Variants in VWA8 observed in about 807,000 individuals in gnomAD.
The protein encoded by VWA8 is von Willebrand factor A domain-containing protein 8.
Under a neutral mutation model 241.5 loss-of-function variants are expected in VWA8, and 221 were observed. The ratio of observed to expected loss-of-function variants is 0.91; its 90% confidence interval spans 0.82 to 1.02. The LOEUF (loss-of-function observed/expected upper bound fraction) is 1.02. Ranked by LOEUF, VWA8 falls within the 50% of genes least tolerant of loss-of-function variation. The probability of loss-of-function intolerance (pLI) is 0.00; values close to 1 mark genes in which losing one functional copy is unlikely to be tolerated. For synonymous variants in VWA8, 852 were observed against 827.1 expected, an observed-to-expected ratio of 1.03 and a Z score of -0.52; for missense variants, 2,322 against 2,328.7, an observed-to-expected ratio of 1.00 and a Z score of 0.06.
chr13:41,603,153 C>T (rs939833320), intron 40 of VWA8, among the ~76,000 whole-genome samples: 7 of 152,096 alleles, frequency 4.6e-5, no homozygotes, highest in Non-Finnish European at 1.0e-4. Flanking sequence ...CTTTGTTTTC[C>T]ATGCATTTAA....
At chr13:41,591,810 G>T (rs1323806642) in intron 40 of VWA8, among the ~76,000 whole-genome samples, 1 of 147,616 alleles carries the variant, frequency 6.8e-6, no homozygotes, top group Non-Finnish European at 1.5e-5. Flanking sequence ...AAAAAGTCAG[G>T]AAACAACAGG....
chr13:41,806,805 G>T (rs1338492158), intron 17 of VWA8, among the ~76,000 whole-genome samples: 7 of 151,880 alleles, frequency 4.6e-5, no homozygotes, highest in Admixed American at 4.6e-4. Context: ...TTGATCCCTG[G>T]AAGGGGAGAT....
intron 17 of VWA8, among the ~76,000 whole-genome samples, chr13:41,802,359 C>T (rs1869997589): frequency 6.6e-6 from 1 of 152,234 alleles, no homozygotes; most frequent in Non-Finnish European, 1.5e-5. Flanking sequence ...TGAATTCTAA[C>T]TAGCCCCACC....
At chr13:41,671,194 C>T (rs748765756) in intron 36 of VWA8, 47 bp from the exon 37 acceptor site, 3 of 1,594,552 alleles carry the variant, frequency 1.9e-6, no homozygotes, top group Admixed American at 3.3e-5. Context: ...AAAAATAAAG[C>T]AGGAGGGATG....
intron 41 of VWA8, among the ~76,000 whole-genome samples, chr13:41,588,569 C>T (rs13378278): frequency 0.026 from 4,016 of 151,944 alleles, 107 homozygotes; most frequent in African/African-American, 0.066. Flanking sequence ...AAAAAATACA[C>T]AAATCAGCTA....
chr13:41,730,046 T>TG (rs1424477502), intron 22 of VWA8, among the ~76,000 whole-genome samples: 6 of 152,136 alleles, frequency 3.9e-5, no homozygotes, highest in African/African-American at 1.4e-4. Context: ...ATGGGAGTTA[T>TG]GAGGAGTGAG....
chr13:41,794,732 C>A (rs1394818643), intron 17 of VWA8, among the ~76,000 whole-genome samples: 1 of 152,106 alleles, frequency 6.6e-6, no homozygotes. Flanking sequence ...GGGAATGCTT[C>A]CAGATTTTGC....
rs1369311764 is a variant in VWA8, at chr13:41,891,356, C to T, written c.651+64G>A. ...GATTCCAACAGAGCCATGTCTTACA[C>T]AATAAAATGGCACTGCCCATAGCTT... On this transcript the variant is annotated intron_variant, in intron 5 of 44. Transcript: ENST00000379310. 8 of 1,588,806 alleles carry T rather than the reference C, an allele frequency of 5.0e-6. No individual in the cohort carries two copies. The Admixed American group carries it at 1.4e-4, about 27-fold the overall frequency.
rs201345402 is a variant in VWA8 at position 41,691,920 on chromosome 13, T to C, written c.3694A>G (p.Lys1232Glu). Residue 1232 changes from lysine (K) to glutamate (E), a missense_variant, in exon 31 of 45, where the codon AAA becomes GAA. Physicochemically the swap from Lys to Glu is moderately conservative, Grantham distance 56. Coordinates refer to ENST00000379310, the MANE Select transcript of VWA8 (RefSeq NM_015058.2). ...KEEAETYKMC[K>E]EFSHKNWLVF... ...AGCCAGTTTTTGTGTGAAAATTCTT[T>C]ACACATTTTATAAGTTTCCTAAAGA... is the stretch of plus-strand genomic sequence containing the variant. 101 of 1,609,748 alleles carry C rather than the reference T, an allele frequency of 6.3e-5. No homozygotes were observed. In the African/African-American group the frequency reaches 1.3e-3, roughly 20 times the overall value.
At chr13:41,868,615 TG>T in intron 9 of VWA8, 138 bp from the exon 10 acceptor site, 1 of 1,095,308 alleles carries the variant, frequency 9.1e-7, no homozygotes, top group Non-Finnish European at 1.2e-6. Context: ...CCAAGGGCGG[TG>T]GCTCAGGCCT....
intron 17 of VWA8, among the ~76,000 whole-genome samples, chr13:41,808,560 C>T (rs1388272392): frequency 6.6e-6 from 1 of 152,136 alleles, no homozygotes; most frequent in Non-Finnish European, 1.5e-5. Flanking sequence ...CCCCCATGAT[C>T]CAGTCATCTC....
intron 4 of VWA8, among the ~76,000 whole-genome samples, chr13:41,904,153 G>A (rs1249424991): frequency 6.6e-6 from 1 of 152,000 alleles, no homozygotes; most frequent in East Asian, 1.9e-4. Context: ...ACTTCAGAAA[G>A]TTTCATCTAA....
At chr13:41,783,717 C>A in intron 19 of VWA8, 78 bp downstream of exon 19, 4 of 912,128 alleles carry the variant, frequency 4.4e-6, no homozygotes, top group Admixed American at 5.3e-5. Context: ...AAAATAATTA[C>A]ATGTCAATTT....
At chr13:41,925,904 C>T in intron 2 of VWA8, 1 of 371,826 alleles carries the variant, frequency 2.7e-6, no homozygotes. Flanking sequence ...ATGCAGACAT[C>T]TCATTCAATG....
chr13:41,592,744 A>G (rs12875906), intron 40 of VWA8, among the ~76,000 whole-genome samples: 50,729 of 149,026 alleles, frequency 0.34, 9,003 homozygotes, highest in South Asian at 0.41. Context: ...AAAAAAAAAA[A>G]GATTATGTGT....
intron 19 of VWA8, among the ~76,000 whole-genome samples, chr13:41,782,297 T>C (rs1278029118): frequency 1.3e-5 from 2 of 152,232 alleles, no homozygotes; most frequent in Admixed American, 1.3e-4. Context: ...TTATATCCTG[T>C]GAAGTCTTTT....
intron 10 of VWA8, 50 bp from the exon 11 acceptor site, chr13:41,866,086 G>T (rs765491694): frequency 1.9e-6 from 3 of 1,595,682 alleles, no homozygotes; most frequent in Middle Eastern, 1.7e-4. Context: ...GGTGGCTCAC[G>T]CCTATAATCC....
chr13:41,775,866 C>A (rs1398682109), intron 20 of VWA8, among the ~76,000 whole-genome samples: 1 of 152,164 alleles, frequency 6.6e-6, no homozygotes, highest in African/African-American at 2.4e-5. Context: ...TCTCCCCAAT[C>A]CTCCAGAGGT....
intron 2 of VWA8, among the ~76,000 whole-genome samples, chr13:41,927,646 G>A (rs1473538396): frequency 6.6e-6 from 1 of 151,670 alleles, no homozygotes; most frequent in Non-Finnish European, 1.5e-5. Context: ...TCAAAGCATA[G>A]TGTTATAGAA....
Sources: allele counts gnomAD v4.1 joint callset (sites outside exome capture counted in the v4.1 genomes callset), GRCh38; gene constraint gnomAD v4.1.1; transcripts MANE v1.5; gene names NCBI Gene and HGNC (gene_info 2026-07-23, HGNC 2026-07-21).